Variants in MYO1H observed in about 807,000 individuals in gnomAD.
MYO1H encodes the protein myosin IH, also known as unconventional myosin-Ih.
A neutral mutation model predicts 149.3 loss-of-function variants in MYO1H; 118 were observed. The observed-to-expected ratio is 0.79, with a 90% CI of 0.68 to 0.92. The LOEUF (loss-of-function observed/expected upper bound fraction) is 0.92. Among genes scored for constraint, MYO1H ranks in the 40% least tolerant of loss-of-function variants. The probability of loss-of-function intolerance (pLI) is 0.00; values close to 1 mark genes in which losing one functional copy is unlikely to be tolerated. For missense variants in MYO1H, 1,212 were observed against 1,280.7 expected, an observed-to-expected ratio of 0.95 and a Z score of 0.82; for synonymous variants, 447 against 465.2, an observed-to-expected ratio of 0.96 and a Z score of 0.50.
chr12:109,343,932 T>C (rs2048094509), upstream of MYO1H, among the ~76,000 whole-genome samples: 1 of 152,194 alleles, frequency 6.6e-6, no homozygotes, highest in African/African-American at 2.4e-5. Context: ...TGATGTCCTT[T>C]TTCTATTCCA....
intron 7 of MYO1H, among the ~76,000 whole-genome samples, chr12:109,405,590 G>A (rs1388494429): frequency 3.3e-5 from 5 of 152,192 alleles, no homozygotes; most frequent in Non-Finnish European, 5.9e-5. Context: ...GATTACAGGC[G>A]TGAGCCACCG....
chr12:109,441,547 T>C, intron 25 of MYO1H, 68 bp from the exon 26 acceptor site: 1 of 1,039,356 alleles, frequency 9.6e-7, no homozygotes. Context: ...CCTCAATGGG[T>C]CTAGAGCTCT....
intron 4 of MYO1H, among the ~76,000 whole-genome samples, chr12:109,397,108 C>T (rs1869949934): frequency 3.9e-5 from 6 of 151,990 alleles, no homozygotes; most frequent in South Asian, 4.1e-4. Flanking sequence ...TAATTACAGG[C>T]GTGAGCCACC....
chr12:109,438,669 C>A, intron 23 of MYO1H, 49 bp downstream of exon 23: 1 of 1,387,380 alleles, frequency 7.2e-7, no homozygotes, highest in Non-Finnish European at 1.0e-6. Context: ...ATGCTGGTAC[C>A]CTGCAGGGAT....
chr12:109,440,924 G>C, intron 25 of MYO1H, 97 bp downstream of exon 25: 1 of 898,192 alleles, frequency 1.1e-6, no homozygotes, highest in Non-Finnish European at 1.8e-6. Flanking sequence ...ACCTATAAGC[G>C]GGGGTCATGC....
At chr12:109,440,771 G>T (rs372084184) in exon 25 of MYO1H, 2 of 1,564,362 alleles carry the variant, frequency 1.3e-6, no homozygotes, top group Non-Finnish European at 1.7e-6. Context: ...GAAAATGTGC[G>T]TGAGGAACCT....
At chr12:109,406,732 T>A in intron 8 of MYO1H, 57 bp from the exon 9 acceptor site, 1 of 1,540,366 alleles carries the variant, frequency 6.5e-7, no homozygotes, top group South Asian at 1.1e-5. Flanking sequence ...AAAAAAATAA[T>A]AAAAAGCAAG....
At chr12:109,422,042 A>AACTCCTGGCCTCAAGTGATCCTCCC (rs1291821211) in intron 16 of MYO1H, among the ~76,000 whole-genome samples, 1 of 152,036 alleles carries the variant, frequency 6.6e-6, no homozygotes, top group African/African-American at 2.4e-5. Context: ...GCTGGTCTCG[A>AACTCCTGGCCTCAAGTGATCCTCCC]ACTCCTGGCC....
At chr12:109,318,245 C>T in the MYO1H span, among the ~76,000 whole-genome samples, 1 of 152,126 alleles carries the variant, frequency 6.6e-6, no homozygotes, top group African/African-American at 2.4e-5. Context: ...AACCATATTT[C>T]TTATGCTACA....
chr12:109,411,497 G>A (rs986126802), intron 13 of MYO1H, among the ~76,000 whole-genome samples: 1 of 152,148 alleles, frequency 6.6e-6, no homozygotes, highest in African/African-American at 2.4e-5. Flanking sequence ...TAAAAACTTC[G>A]ACTTAACTGG....
At chr12:109,370,667 G>A (rs1868962357) in intron 1 of MYO1H, among the ~76,000 whole-genome samples, 1 of 152,150 alleles carries the variant, frequency 6.6e-6, no homozygotes, top group African/African-American at 2.4e-5. Context: ...AATCAATGTT[G>A]ATTTTCCTTC....
At chr12:109,439,178 G>A (rs1369217400) in intron 23 of MYO1H, among the ~76,000 whole-genome samples, 1 of 152,038 alleles carries the variant, frequency 6.6e-6, no homozygotes. Flanking sequence ...GGGTTCAAGC[G>A]ATTCTCCTGC....
chr12:109,443,292 A>ATGTGTACGTATATG (rs1566045368), intron 27 of MYO1H, among the ~76,000 whole-genome samples: 3 of 120,040 alleles, frequency 2.5e-5, no homozygotes, highest in Non-Finnish European at 5.7e-5. Flanking sequence ...GTACGTATAT[A>ATGTGTACGTATATG]TGTGTGTATA....
intron 28 of MYO1H, 96 bp from the exon 29 acceptor site, chr12:109,444,117 G>T: frequency 1.1e-6 from 1 of 889,974 alleles, no homozygotes; most frequent in Non-Finnish European, 1.9e-6. Context: ...GGAGAATGAA[G>T]TGTGGTGTTG....
chr12:109,407,706 ATT>A, intron 9 of MYO1H, 86 bp from the exon 10 acceptor site: 2 of 1,256,604 alleles, frequency 1.6e-6, no homozygotes. Flanking sequence ...TCATTATTTT[ATT>A]TTTTTTTTAA....
the MYO1H span, among the ~76,000 whole-genome samples, chr12:109,318,972 G>GTTTTTGTTT: frequency 1.2e-4 from 9 of 77,248 alleles, no homozygotes; most frequent in Non-Finnish European, 1.5e-4. Context: ...TTTTGGTTTT[G>GTTTTTGTTT]TTTTTTTTTT....
intron 16 of MYO1H, among the ~76,000 whole-genome samples, chr12:109,423,644 C>T (rs1193225677): frequency 6.6e-6 from 1 of 152,188 alleles, no homozygotes; most frequent in Non-Finnish European, 1.5e-5. Context: ...CCTCTATGAA[C>T]TTCAGTCCTC....
At chr12:109,405,929 T>C in exon 8 of MYO1H, 2 of 1,608,962 alleles carry the variant, frequency 1.2e-6, no homozygotes, top group African/African-American at 1.3e-5. Context: ...TAGAATCTCT[T>C]TGGAATTATT....
At chr12:109,321,551 CA>C in the MYO1H span, among the ~76,000 whole-genome samples, 3 of 149,718 alleles carry the variant, frequency 2.0e-5, no homozygotes, top group Admixed American at 6.6e-5. Flanking sequence ...AGATCCCTCT[CA>C]AAAAAAAAGG....
Sources: allele counts gnomAD v4.1 joint callset (sites outside exome capture counted in the v4.1 genomes callset), GRCh38; gene constraint gnomAD v4.1.1; transcripts MANE v1.5; gene names NCBI Gene and HGNC (gene_info 2026-07-23, HGNC 2026-07-21).